Variants in TJP2 observed in about 807,000 individuals in gnomAD.
TJP2 encodes Friedreich ataxia region gene X104 (tight junction protein ZO-2).
Under a neutral mutation model 133.1 loss-of-function variants are expected in TJP2, and 91 were observed. That is an observed-to-expected ratio of 0.68 (90% CI 0.58 to 0.81). The LOEUF (loss-of-function observed/expected upper bound fraction) is 0.81. Among genes scored for constraint, TJP2 ranks in the 40% least tolerant of loss-of-function variants. The pLI is 0.00. For missense variants in TJP2, 1,541 were observed against 1,565.6 expected (o/e 0.98, Z 0.26); for synonymous variants, 592 against 583.4 (o/e 1.01, Z -0.21).
chr9:69,188,006 T>C (rs1297896313), intron 1 of TJP2, among the ~76,000 whole-genome samples: 1 of 152,194 alleles, frequency 6.6e-6, no homozygotes, highest in Non-Finnish European at 1.5e-5. Context: ...GACTGAGAAG[T>C]CCAAAATGTG....
chr9:69,249,008 T>G, intron 19 of TJP2: 1 of 981,204 alleles, frequency 1.0e-6, no homozygotes. Flanking sequence ...AACAACAAAC[T>G]GAAGGGGGAG....
chr9:69,157,925 G>A (rs992957953), intron 2 of TJP2, among the ~76,000 whole-genome samples: 3 of 152,142 alleles, frequency 2.0e-5, no homozygotes, highest in African/African-American at 7.2e-5. Flanking sequence ...ATGTAGATGA[G>A]TAATACTCAA....
intron 1 of TJP2, among the ~76,000 whole-genome samples, chr9:69,141,414 C>T (rs758359438): frequency 1.3e-4 from 20 of 152,050 alleles, no homozygotes; most frequent in African/African-American, 1.9e-4. Flanking sequence ...TGTTTTCCAC[C>T]GCCCACTCCA....
chr9:69,224,405 C>T (rs1338746885), intron 5 of TJP2, among the ~76,000 whole-genome samples: 1 of 152,098 alleles, frequency 6.6e-6, no homozygotes, highest in African/African-American at 2.4e-5. Flanking sequence ...TGGCCAGGCG[C>T]AGTGGCTCAC....
Position 69,249,464 on chromosome 9 carries a change from A to G in TJP2, c.2970A>G (p.Ala990=), listed in dbSNP as rs727503481. Residue 990 remains alanine, a synonymous_variant, in exon 20 of 23, where the codon GCA becomes GCG. Coordinates refer to ENST00000377245, the MANE Select transcript of TJP2 (RefSeq NM_004817.4). The part of the protein sequence containing the change: ...DQLRDNSPPP[A]FKPEPPKAKT... ...TTAGGGACAATAGCCCGCCCCCAGC[A>G]TTCAAGCCAGAGCCGCCCAAGGTAC... is the stretch of plus-strand genomic sequence containing the variant. 8.7e-6 allele frequency: 14 copies of G among 1,608,398 alleles called. No homozygotes were observed. In the African/African-American group the frequency reaches 1.6e-4, roughly 18 times the overall value.
chr9:69,241,248 A>G (rs1830560125), intron 17 of TJP2, among the ~76,000 whole-genome samples: 2 of 152,254 alleles, frequency 1.3e-5, no homozygotes, highest in African/African-American at 4.8e-5. Context: ...CACTGTCTAT[A>G]TAAATGATTA....
At chr9:69,249,734 C>A (rs1441789038) in intron 20 of TJP2, 6 of 985,288 alleles carry the variant, frequency 6.1e-6, no homozygotes, top group Non-Finnish European at 7.2e-6. Flanking sequence ...ATTTAATTTA[C>A]TCTTCTTGTT....
chr9:69,201,931 C>T (rs1588041775), intron 1 of TJP2, among the ~76,000 whole-genome samples: 1 of 152,126 alleles, frequency 6.6e-6, no homozygotes, highest in South Asian at 2.1e-4. Context: ...AATCACAAAA[C>T]AGAATGGTGG....
chr9:69,230,283 T>C (rs377070204), intron 11 of TJP2, 51 bp downstream of exon 11: 1 of 1,610,038 alleles, frequency 6.2e-7, no homozygotes, highest in Non-Finnish European at 8.5e-7. Context: ...GGAGTGCACT[T>C]TTCTGGGTGT....
At chr9:69,227,121 T>C (rs943017879) in intron 7 of TJP2, among the ~76,000 whole-genome samples, 5 of 63,640 alleles carry the variant, frequency 7.9e-5, no homozygotes, top group African/African-American at 1.3e-4. Flanking sequence ...AAGCAGACTT[T>C]TGTTGATTTT....
intron 20 of TJP2, 109 bp from the exon 21 acceptor site, chr9:69,250,926 T>C (rs1364598508): frequency 8.6e-7 from 1 of 1,159,302 alleles, no homozygotes; most frequent in East Asian, 2.3e-5. Flanking sequence ...ATGGTATTTG[T>C]GGACCACCTT....
chr9:69,175,086 A>T (rs749982353), intron 1 of TJP2, among the ~76,000 whole-genome samples: 1 of 152,162 alleles, frequency 6.6e-6, no homozygotes, highest in Non-Finnish European at 1.5e-5. Context: ...ATAAATAATC[A>T]GGGATTTCTA....
At chr9:69,217,846 T>C (rs1190629732) in intron 3 of TJP2, among the ~76,000 whole-genome samples, 5 of 152,212 alleles carry the variant, frequency 3.3e-5, no homozygotes, top group Non-Finnish European at 7.3e-5. Flanking sequence ...GCAAGCCCTT[T>C]TCCTGCACAA....
rs75392135 is a variant in TJP2, at chr9:69,238,549, G to C, written c.2276-161G>C. ...TGGACTGGCCTAACCGTTTCTTCAT[G>C]ATTAGATTTCCACTAAGCAGGTTAT... On this transcript the variant is annotated intron_variant, in intron 15 of 22. Coordinates refer to ENST00000377245, the MANE Select transcript of TJP2 (RefSeq NM_004817.4). Among the ~76,000 whole-genome samples the C allele has an allele frequency of 0.025, 3,747 of 152,268 alleles. 59 individuals are homozygous for C. Among genetic ancestry groups the C allele is most frequent in the South Asian group, 0.038 (182 of 4,830 alleles).
upstream of TJP2, chr9:69,174,212 C>T (rs899051129): frequency 2.0e-5 from 28 of 1,403,520 alleles, no homozygotes; most frequent in Admixed American, 5.9e-5. Context: ...CCGCCGCCGC[C>T]GCGGGAGGAG....
chr9:69,122,854 A>T (rs1587861449), intron 1 of TJP2, among the ~76,000 whole-genome samples: 1 of 152,158 alleles, frequency 6.6e-6, no homozygotes, highest in Admixed American at 6.5e-5. Flanking sequence ...GTCGGTAGGT[A>T]AGTTAAGCCC....
intron 1 of TJP2, among the ~76,000 whole-genome samples, chr9:69,122,661 C>T (rs1272381147): frequency 6.6e-6 from 1 of 152,168 alleles, no homozygotes; most frequent in Admixed American, 6.6e-5. Context: ...ATTCTTCGAG[C>T]TTGAGAAGGG....
intron 3 of TJP2, among the ~76,000 whole-genome samples, 176 bp downstream of exon 3, chr9:69,216,639 T>G (rs1222538814): frequency 6.6e-6 from 1 of 152,168 alleles, no homozygotes; most frequent in African/African-American, 2.4e-5. Context: ...GTTTGAATAA[T>G]GCCCAAACCT....
Position 69,249,591 on chromosome 9 carries a change from C to T in TJP2, c.2991+106C>T, listed in dbSNP as rs914948526. The T allele has an allele frequency of 2.5e-5, 38 of 1,543,950 alleles. 1 individual carries two copies. Among genetic ancestry groups the T allele is most frequent in the Middle Eastern group, 2.3e-4 (1 of 4,426 alleles). On this transcript the variant is annotated intron_variant, in intron 20 of 22. Transcript: ENST00000377245. The stretch of plus-strand genomic sequence containing the variant: ...TGCACACTGAGATGGTGTTTAATTA[C>T]GGTTCTGACTCACTGTGTTCTCTAT...
Sources: allele counts gnomAD v4.1 joint callset (sites outside exome capture counted in the v4.1 genomes callset), GRCh38; gene constraint gnomAD v4.1.1; transcripts MANE v1.5; gene names NCBI Gene and HGNC (gene_info 2026-07-23, HGNC 2026-07-21).